Variants in ADAM18 observed in about 807,000 individuals in gnomAD.
ADAM18 encodes the protein ADAM metallopeptidase domain 18.
ADAM18 carries 117 observed loss-of-function variants against 94.4 expected under a neutral mutation model. The ratio of observed to expected loss-of-function variants is 1.24; its 90% CI spans 1.07 to 1.45. ADAM18 has a LOEUF of 1.45. Among genes scored for constraint, ADAM18 ranks in the 40% most tolerant of loss-of-function variants. The pLI, the probability that ADAM18 is intolerant of heterozygous loss-of-function variation, is 0.00. For synonymous variants in ADAM18, 327 were observed against 291.6 expected, an observed-to-expected ratio of 1.12 and a Z score of -1.24; for missense variants, 936 against 880.0, an observed-to-expected ratio of 1.06 and a Z score of -0.81.
intron 2 of ADAM18, among the ~76,000 whole-genome samples, chr8:39,600,593 C>T (rs370319239): frequency 7.9e-5 from 12 of 152,296 alleles, no homozygotes; most frequent in African/African-American, 2.9e-4. Flanking sequence ...TTTTCTGTCA[C>T]TAATGCTATT....
chr8:39,601,247 C>A (rs747635977), intron 2 of ADAM18, among the ~76,000 whole-genome samples: 1 of 152,248 alleles, frequency 6.6e-6, no homozygotes, highest in Non-Finnish European at 1.5e-5. Context: ...AGTGGGGACA[C>A]AGACCCAAAA....
intron 10 of ADAM18, among the ~76,000 whole-genome samples, chr8:39,644,757 A>G (rs919693002): frequency 1.3e-5 from 2 of 152,194 alleles, no homozygotes; most frequent in Non-Finnish European, 2.9e-5. Flanking sequence ...TATAAATTTC[A>G]CAAAGAAGAT....
chr8:39,616,341 C>G (rs1034703251), intron 6 of ADAM18, among the ~76,000 whole-genome samples: 1 of 152,076 alleles, frequency 6.6e-6, no homozygotes, highest in African/African-American at 2.4e-5. Context: ...ACCCAGGAAG[C>G]TGAGGTTGCA....
chr8:39,654,120 C>T (rs947306905), intron 12 of ADAM18, among the ~76,000 whole-genome samples: 11 of 150,430 alleles, frequency 7.3e-5, no homozygotes, highest in African/African-American at 2.4e-4. Flanking sequence ...CCTCCAGTTA[C>T]ATCCATGTTG....
intron 10 of ADAM18, among the ~76,000 whole-genome samples, chr8:39,644,150 T>C (rs753639932): frequency 7.9e-5 from 12 of 152,138 alleles, no homozygotes; most frequent in Non-Finnish European, 1.8e-4. Context: ...ATTAGACATG[T>C]TCTCAGATTT....
chr8:39,701,545 C>T (rs886592923), intron 17 of ADAM18, among the ~76,000 whole-genome samples: 6 of 151,956 alleles, frequency 3.9e-5, no homozygotes, highest in African/African-American at 1.2e-4. Flanking sequence ...CATAGGTGAA[C>T]ATGTGTCATG....
intron 14 of ADAM18, among the ~76,000 whole-genome samples, chr8:39,672,838 G>A (rs1185621702): frequency 6.6e-6 from 1 of 152,164 alleles, no homozygotes; most frequent in Admixed American, 6.5e-5. Flanking sequence ...ATATCCAGAA[G>A]CCCAATGTGA....
intron 6 of ADAM18, among the ~76,000 whole-genome samples, chr8:39,617,090 A>G (rs903624453): frequency 1.3e-5 from 2 of 152,182 alleles, no homozygotes; most frequent in Non-Finnish European, 2.9e-5. Context: ...AACCTACAGA[A>G]TGGGAGAAAA....
In ADAM18 at chr8:39,668,093, C is replaced by G; in HGVS notation, c.1422C>G (p.Asp474Glu). The G allele has an allele frequency of 6.2e-7, 1 of 1,614,108 alleles. No individual in the cohort carries two copies. The highest frequency in any genetic ancestry group is 8.5e-7 in the Non-Finnish European group (1 of 1,179,990). Reference protein sequence around the residue: ...CNGTSSNCVPDTYALNGRLCK... With the variant: ...CNGTSSNCVPETYALNGRLCK... ...GAACCTCTAGTAATTGTGTTCCTGA[C>G]ACTTATGCATTGAATGGCCGTTTGT... The change falls in exon 14 of 20, where the codon GAC becomes GAG. Residue 474 changes from aspartate to glutamate, a missense_variant. Transcript: ENST00000265707.
intron 6 of ADAM18, among the ~76,000 whole-genome samples, chr8:39,620,373 AAC>A (rs201575368): frequency 0.014 from 1,396 of 98,360 alleles, 22 homozygotes; most frequent in African/African-American, 0.048. Flanking sequence ...AAAAAAAAAA[AAC>A]AAAAAAAAAT....
rs182628536 is a variant in ADAM18, at chr8:39,618,265, C to T, written c.522+7559C>T. ...AAAACTGGGTCCAGGGGGGTCACCG[C>T]CTTCTGGTCCTGTGGTGCCCAACAA... On this transcript the variant is annotated intron_variant, in intron 6 of 19. Transcript: ENST00000265707. Among the ~76,000 whole-genome samples, 3 of 152,230 alleles carry T rather than the reference C, an allele frequency of 2.0e-5. No individual in the cohort carries two copies. The East Asian group carries it at 5.8e-4, about 30-fold the overall frequency.
At position 39,609,118 on chromosome 8, in the gene ADAM18, A is replaced by G. The variant is rs1819182743; in HGVS notation, c.265A>G (p.Met89Val). The change falls in exon 4 of 20, where the codon ATG becomes GTG. Residue 89 changes from methionine to valine, a missense_variant and splice_region_variant. Coordinates refer to ENST00000265707, the MANE Select transcript of ADAM18 (RefSeq NM_014237.3). ...TTTGCATTCTGTGTCTCCATATTTT[A>G]TGGTAAAGTAAGATACCTTATTTTT... ...GSLHSVSPYF[M>V]MHCHYQGYAA... 4 of 1,560,790 alleles carry G rather than the reference A, an allele frequency of 2.6e-6. No individual in the cohort carries two copies. The Admixed American group carries it at 5.5e-5, about 21-fold the overall frequency.
rs140918027 is a variant in ADAM18 at position 39,645,558 on chromosome 8, C to T, written c.1046+84C>T. On this transcript the variant is annotated intron_variant, in intron 11 of 19. Transcript: ENST00000265707. ...GATAATGTTTTTAAACTTTTATATT[C>T]GGCACCACATCAATGGCTAGAAAGT... The T allele has an allele frequency of 8.0e-4, 1,072 of 1,346,460 alleles. 9 individuals carry two copies. The African/African-American group carries it at 0.012, about 15-fold the overall frequency. The allele number at this position is 1,346,460 out of a possible 1,614,324, so 83.4% of individuals were successfully genotyped here.
chr8:39,722,215 G>A (rs866313742), intron 18 of ADAM18, among the ~76,000 whole-genome samples: 37 of 68,064 alleles, frequency 5.4e-4, no homozygotes, highest in African/African-American at 3.3e-3. Flanking sequence ...GTGTGTGTGT[G>A]TGTATATATA....
chr8:39,717,864 C>T (rs570413463), intron 18 of ADAM18, among the ~76,000 whole-genome samples: 28 of 151,382 alleles, frequency 1.8e-4, no homozygotes, highest in African/African-American at 6.8e-4. Flanking sequence ...TCCCTATGAC[C>T]TAATAGTGAA....
chr8:39,698,396 T>C (rs1821982449), intron 17 of ADAM18, among the ~76,000 whole-genome samples: 1 of 152,024 alleles, frequency 6.6e-6, no homozygotes, highest in Non-Finnish European at 1.5e-5. Context: ...GTAAAGTCTA[T>C]ATAATTTGTA....
intron 12 of ADAM18, among the ~76,000 whole-genome samples, chr8:39,655,470 G>A (rs955324027): frequency 4.6e-5 from 7 of 152,036 alleles, no homozygotes; most frequent in African/African-American, 1.4e-4. Context: ...TCAATGGATA[G>A]ATAATAAATT....
At chr8:39,597,192 C>A (rs1436693567) in intron 2 of ADAM18, among the ~76,000 whole-genome samples, 1 of 151,980 alleles carries the variant, frequency 6.6e-6, no homozygotes, top group Non-Finnish European at 1.5e-5. Flanking sequence ...ATCATATAGG[C>A]CTTTTGCAAA....
intron 6 of ADAM18, among the ~76,000 whole-genome samples, chr8:39,620,082 T>C (rs1406258867): frequency 6.6e-6 from 1 of 152,040 alleles, no homozygotes; most frequent in East Asian, 1.9e-4. Flanking sequence ...CTTTTTTATT[T>C]TTTATTTTTT....
Sources: gnomAD v4.1 joint callset for allele counts (sites outside exome capture counted in the v4.1 genomes callset) on GRCh38, gnomAD v4.1.1 for gene constraint, MANE v1.5 for transcripts, NCBI Gene and HGNC (gene_info 2026-07-23, HGNC 2026-07-21) for gene names.